The following WIPF2 variants were observed in gnomAD, a reference collection of about 807,000 sequenced individuals.
WIPF2 encodes the protein WAS/WASL-interacting protein family member 2.
A neutral mutation model predicts 38.8 loss-of-function variants in WIPF2; 23 were observed. The observed-to-expected ratio is 0.59, with a 90% CI of 0.43 to 0.84. WIPF2 has a LOEUF of 0.84. WIPF2 is among the 40% of genes least tolerant of loss of function. WIPF2 has a pLI of 0.00. For missense variants in WIPF2, 574 were observed against 580.5 expected (o/e 0.99, Z 0.11); for synonymous variants, 210 against 223.2 (o/e 0.94, Z 0.53).
In WIPF2 at chr17:40,275,180, G is replaced by A. The variant is rs1185102721; in HGVS notation, c.1180+1181G>A. Among the ~76,000 whole-genome samples, 4 of 145,756 alleles carry A rather than the reference G, an allele frequency of 2.7e-5. No homozygotes were observed. In the Admixed American group the frequency reaches 2.8e-4, roughly 10 times the overall value. ...CTCTTGAACCCAGGAGGTGGAGGTT[G>A]CAGTGAGCCAAGATTGTGCCACTGC... On this transcript the variant is annotated intron_variant, in intron 6 of 7. Coordinates refer to ENST00000323571, the MANE Select transcript of WIPF2 (RefSeq NM_133264.5).
intron 6 of WIPF2, among the ~76,000 whole-genome samples, chr17:40,275,422 TGGG>T (rs879682934): frequency 6.6e-6 from 1 of 151,974 alleles, no homozygotes; most frequent in Non-Finnish European, 1.5e-5. Context: ...TTATAAATGT[TGGG>T]GGGGCTCTAC....
intron 1 of WIPF2, among the ~76,000 whole-genome samples, chr17:40,249,007 GT>G (rs747641326): frequency 2.1e-4 from 32 of 152,056 alleles, no homozygotes; most frequent in Non-Finnish European, 4.1e-4. Context: ...TTTAAGGTCA[GT>G]TTTTTTCCCT....
chr17:40,231,416 C>G (rs569225125), intron 1 of WIPF2, among the ~76,000 whole-genome samples: 1 of 147,116 alleles, frequency 6.8e-6, no homozygotes, highest in African/African-American at 2.5e-5. Flanking sequence ...GTTCTCTGTG[C>G]TTTTCTACCT....
intron 4 of WIPF2, among the ~76,000 whole-genome samples, chr17:40,263,925 C>T (rs959598845): frequency 1.4e-4 from 21 of 151,882 alleles, no homozygotes; most frequent in African/African-American, 4.6e-4. Context: ...CATTCCACAA[C>T]GTATACATAT....
chr17:40,224,439 G>C lies in WIPF2; in HGVS notation c.-70+4947G>C, dbSNP rs1485065222. 2.0e-5 allele frequency among the ~76,000 whole-genome samples: 3 copies of C among 147,870 alleles called. No homozygotes were observed. In the East Asian group the frequency reaches 5.9e-4, roughly 29 times the overall value. On this transcript the variant is annotated intron_variant, in intron 1 of 7. Coordinates refer to ENST00000323571, the MANE Select transcript of WIPF2 (RefSeq NM_133264.5). ...TTTTTTTTTTTTTGTAGTAGAGACG[G>C]GGTTTCAACTTGTTAGCGAGGATGT...
At chr17:40,262,261 T>A (rs2031935557) in intron 3 of WIPF2, among the ~76,000 whole-genome samples, 1 of 151,812 alleles carries the variant, frequency 6.6e-6, no homozygotes, top group Non-Finnish European at 1.5e-5. Context: ...TTTTGAAATT[T>A]TTTGTAGAGT....
chr17:40,229,712 G>T (rs569529783), intron 1 of WIPF2, among the ~76,000 whole-genome samples: 110 of 152,280 alleles, frequency 7.2e-4, no homozygotes, highest in African/African-American at 2.3e-3. Context: ...GTGAGCCACC[G>T]TGCCTGGCCC....
intron 1 of WIPF2, among the ~76,000 whole-genome samples, chr17:40,243,484 G>C (rs758603640): frequency 7.9e-5 from 12 of 151,878 alleles, no homozygotes; most frequent in African/African-American, 1.2e-4. Context: ...AAAACATCCA[G>C]GTTTCATTTG....
Position 40,264,692 on chromosome 17 carries a change from C to T in WIPF2, c.516C>T (p.His172=). The T allele has an allele frequency of 6.2e-7, 1 of 1,613,216 alleles. No homozygotes were observed. Among genetic ancestry groups the T allele is most frequent in the Non-Finnish European group, 8.5e-7 (1 of 1,179,540 alleles). ...CCACCAGCAGTACGGGCATGAAGCA[C>T]AGCTCCTCTGCCCCTCCCCCACCAC... is the stretch of plus-strand genomic sequence containing the variant. ...PNTTSSTGMK[H]SSSAPPPPPP... is the part of the protein sequence containing the mutation. Residue 172 remains histidine, a synonymous_variant, in exon 5 of 8, where the codon CAC becomes CAT. Transcript: ENST00000323571.
At chr17:40,274,464 C>T (rs2145412081) in intron 6 of WIPF2, among the ~76,000 whole-genome samples, 1 of 147,680 alleles carries the variant, frequency 6.8e-6, no homozygotes, top group Middle Eastern at 3.5e-3. Flanking sequence ...CGCTGTCAAA[C>T]TCCTGGTCTC....
intron 5 of WIPF2, chr17:40,273,570 G>A (rs2032303652): frequency 5.6e-6 from 3 of 531,844 alleles, no homozygotes; most frequent in Non-Finnish European, 1.0e-5. Flanking sequence ...GAACAGATAG[G>A]GTTCTGACTG....
intron 2 of WIPF2, among the ~76,000 whole-genome samples, chr17:40,259,047 G>GT (rs1200018184): frequency 0.015 from 1,819 of 118,778 alleles, 48 homozygotes; most frequent in African/African-American, 0.044. Context: ...AAAAAGATAA[G>GT]TTTTTTTTTT....
intron 3 of WIPF2, chr17:40,260,883 T>G: frequency 1.6e-6 from 1 of 619,486 alleles, no homozygotes; most frequent in East Asian, 3.4e-5. Context: ...CCGGGCATGG[T>G]GGCTCATGCC....
chr17:40,234,888 A>G (rs1256909183), intron 1 of WIPF2, among the ~76,000 whole-genome samples: 5 of 150,492 alleles, frequency 3.3e-5, no homozygotes, highest in Non-Finnish European at 5.9e-5. Flanking sequence ...AATGGCATCT[A>G]CCCTTCTTCC....
intron 5 of WIPF2, among the ~76,000 whole-genome samples, chr17:40,271,086 T>G (rs1175912906): frequency 6.6e-6 from 1 of 152,126 alleles, no homozygotes; most frequent in Non-Finnish European, 1.5e-5. Flanking sequence ...TCCTCCCACC[T>G]CAGGCTCCAG....
intron 1 of WIPF2, among the ~76,000 whole-genome samples, chr17:40,240,025 G>A (rs1488064704): frequency 2.0e-5 from 3 of 151,462 alleles, no homozygotes; most frequent in Admixed American, 1.3e-4. Flanking sequence ...TTGCCTGGCA[G>A]CATGGGGAGG....
At chr17:40,223,599 GT>G (rs527827847) in intron 1 of WIPF2, among the ~76,000 whole-genome samples, 230 of 130,292 alleles carry the variant, frequency 1.8e-3, no homozygotes, top group African/African-American at 2.6e-3. Context: ...TTTTTTTTGG[GT>G]TTTTTTTTTT....
chr17:40,236,890 G>A (rs2030993308), intron 1 of WIPF2, among the ~76,000 whole-genome samples: 1 of 151,928 alleles, frequency 6.6e-6, no homozygotes, highest in Non-Finnish European at 1.5e-5. Flanking sequence ...TTTAATAGTG[G>A]CATTATGAAG....
At chr17:40,222,462 C>T (rs535597427) in intron 1 of WIPF2, among the ~76,000 whole-genome samples, 4 of 150,806 alleles carry the variant, frequency 2.7e-5, no homozygotes, top group East Asian at 4.2e-4. Context: ...GAGCTGAGAT[C>T]GCGCCATTGC....
Sources: gnomAD v4.1 joint callset for allele counts (sites outside exome capture counted in the v4.1 genomes callset) on GRCh38, gnomAD v4.1.1 for gene constraint, MANE v1.5 for transcripts, NCBI Gene and HGNC (gene_info 2026-07-23, HGNC 2026-07-21) for gene names.